Variants in SEC23B observed in about 807,000 individuals in gnomAD.
SEC23B encodes protein transport protein Sec23B.
In SEC23B, 77 loss-of-function variants were observed where a neutral mutation model predicts 104.3. The ratio of observed to expected loss-of-function variants is 0.74; its 90% CI spans 0.61 to 0.89. The LOEUF (loss-of-function observed/expected upper bound fraction) is 0.89. Ranked by LOEUF, SEC23B falls within the 40% of genes least tolerant of loss-of-function variation. SEC23B has a pLI of 0.00. For missense variants in SEC23B, 885 were observed against 949.4 expected, an observed-to-expected ratio of 0.93 and a Z score of 0.89; for synonymous variants, 338 against 332.5, an observed-to-expected ratio of 1.02 and a Z score of -0.18.
intron 19 of SEC23B, among the ~76,000 whole-genome samples, 172 bp downstream of exon 19, chr20:18,555,345 C>A (rs566408625): frequency 1.3e-5 from 2 of 151,886 alleles, no homozygotes; most frequent in South Asian, 2.1e-4. Context: ...ATTACTGGGC[C>A]GGAGGTTGAG....
chr20:18,544,037 ACT>A (rs1283428170), intron 14 of SEC23B, among the ~76,000 whole-genome samples: 1 of 152,018 alleles, frequency 6.6e-6, no homozygotes, highest in African/African-American at 2.4e-5. Flanking sequence ...CACCTCCAGC[ACT>A]CTCTACTGAC....
chr20:18,520,571 A>G (rs2060073806), intron 4 of SEC23B, among the ~76,000 whole-genome samples: 2 of 152,116 alleles, frequency 1.3e-5, no homozygotes, highest in Non-Finnish European at 2.9e-5. Context: ...TCTCGACCTA[A>G]TAAGGGAGCC....
chr20:18,541,845 C>T (rs144375160), intron 12 of SEC23B, among the ~76,000 whole-genome samples: 66 of 152,204 alleles, frequency 4.3e-4, no homozygotes, highest in Admixed American at 6.5e-4. Flanking sequence ...AAAACTTGCG[C>T]CAATAGTCTT....
intron 12 of SEC23B, among the ~76,000 whole-genome samples, chr20:18,541,590 A>G (rs369401728): frequency 1.3e-5 from 2 of 152,214 alleles, no homozygotes; most frequent in Non-Finnish European, 2.9e-5. Flanking sequence ...AGGCCCAAGG[A>G]GGAGGAGAGA....
At chr20:18,517,026 T>C (rs1167167700) in intron 4 of SEC23B, among the ~76,000 whole-genome samples, 1 of 152,242 alleles carries the variant, frequency 6.6e-6, no homozygotes, top group Non-Finnish European at 1.5e-5. Flanking sequence ...AACATGAGCA[T>C]GCTCAAAAGT....
At chr20:18,534,572 C>G (rs2060211750) in intron 11 of SEC23B, among the ~76,000 whole-genome samples, 4 of 152,216 alleles carry the variant, frequency 2.6e-5, no homozygotes, top group Admixed American at 2.6e-4. Context: ...CACTGCCTTT[C>G]TACTGTAAGG....
chr20:18,554,554 G>A (rs1044378607), intron 18 of SEC23B, among the ~76,000 whole-genome samples, 164 bp downstream of exon 18: 11 of 152,090 alleles, frequency 7.2e-5, no homozygotes, highest in Admixed American at 3.9e-4. Context: ...CAGGCCAAGC[G>A]CGGTGGCTCA....
intron 11 of SEC23B, among the ~76,000 whole-genome samples, chr20:18,534,726 A>G (rs572833978): frequency 6.6e-6 from 1 of 152,362 alleles, no homozygotes; most frequent in South Asian, 2.1e-4. Context: ...TGGGGATTAT[A>G]AAATGGTCAT....
Position 18,543,155 on chromosome 20 carries a change from C to G in SEC23B, c.1648C>G (p.Arg550Gly). The G allele has an allele frequency of 6.2e-7, 1 of 1,614,068 alleles. No individual in the cohort carries two copies. Residue 550 changes from arginine to glycine, a missense_variant, in exon 14 of 20, where the codon CGA becomes GGA. Arg to Gly is a moderately radical substitution (Grantham distance 125). Coordinates refer to ENST00000650089, the MANE Select transcript of SEC23B (RefSeq NM_006363.6). ...EGPDVLRWLDRQLIRLCQKFG... is the reference protein window; with the variant it reads ...EGPDVLRWLDGQLIRLCQKFG... ...GCCCGATGTGCTCCGGTGGCTGGACCGACAACTCATCCGACTGGTAAATTG... is the reference window on the plus strand; with the variant it reads ...GCCCGATGTGCTCCGGTGGCTGGACGGACAACTCATCCGACTGGTAAATTG...
chr20:18,512,871 G>T (rs902209877), intron 3 of SEC23B, among the ~76,000 whole-genome samples: 4 of 152,084 alleles, frequency 2.6e-5, no homozygotes, highest in Non-Finnish European at 5.9e-5. Flanking sequence ...CCAACATGGT[G>T]AAACCCCATC....
Position 18,554,371 on chromosome 20 carries a change from C to T in SEC23B, c.2129C>T (p.Thr710Met), listed in dbSNP as rs752664090. 8.1e-6 allele frequency: 13 copies of T among 1,614,196 alleles called. No individual in the cohort carries two copies. Among genetic ancestry groups the T allele is most frequent in the Non-Finnish European group, 1.1e-5 (13 of 1,180,046 alleles). ...TTCCCGATGCCACGTTACATCAACACGGAGCATGGAGGCAGTCAGGTGAGT... is the reference window on the plus strand; with the variant it reads ...TTCCCGATGCCACGTTACATCAACATGGAGCATGGAGGCAGTCAGGTGAGT... ...ARFPMPRYIN[T>M]EHGGSQARFL... The change falls in exon 18 of 20, where the codon ACG (threonine) becomes ATG (methionine). Residue 710 changes from threonine (T) to methionine (M), a missense_variant. Physicochemically the swap from Thr to Met is moderately conservative, Grantham distance 81 (BLOSUM62 -1). Transcript: ENST00000650089.
In SEC23B at chr20:18,543,003, A is replaced by G. The variant is rs772239891; in HGVS notation, c.1512-16A>G. 4.3e-6 allele frequency: 7 copies of G among 1,613,896 alleles called. No homozygotes were observed. Among genetic ancestry groups the G allele is most frequent in the African/African-American group, 2.7e-5 (2 of 74,866 alleles). On this transcript the variant is annotated splice_polypyrimidine_tract_variant and intron_variant, in intron 13 of 19. Coordinates refer to ENST00000650089, the MANE Select transcript of SEC23B (RefSeq NM_006363.6). Reference sequence around the variant, plus strand: ...TCTCCTAAACATAAGCATGGCACTAACTCTGGAATTGTCAGTTGGGCAGAT... The same window carrying G: ...TCTCCTAAACATAAGCATGGCACTAGCTCTGGAATTGTCAGTTGGGCAGAT...
chr20:18,557,970 C>T (rs367947687), intron 19 of SEC23B, among the ~76,000 whole-genome samples: 1 of 151,716 alleles, frequency 6.6e-6, no homozygotes, highest in Admixed American at 6.6e-5. Flanking sequence ...AGGCTGGTCT[C>T]GAACTCCTGA....
intron 9 of SEC23B, among the ~76,000 whole-genome samples, chr20:18,530,221 T>A (rs1393169941): frequency 6.6e-6 from 1 of 151,910 alleles, no homozygotes; most frequent in Non-Finnish European, 1.5e-5. Context: ...TTTATTTTTT[T>A]AATTTATTTT....
intron 19 of SEC23B, among the ~76,000 whole-genome samples, chr20:18,557,797 G>GAT (rs1230714272): frequency 6.1e-4 from 88 of 145,372 alleles, no homozygotes; most frequent in African/African-American, 2.1e-3. Context: ...TTGTTGCCCA[G>GAT]GCTGGAGTGC....
intron 17 of SEC23B, among the ~76,000 whole-genome samples, chr20:18,553,278 T>A (rs1329959214): frequency 6.6e-6 from 1 of 152,184 alleles, no homozygotes; most frequent in African/African-American, 2.4e-5. Flanking sequence ...CAACAGTCAA[T>A]CACAGCATTT....
intron 19 of SEC23B, among the ~76,000 whole-genome samples, chr20:18,556,794 G>A (rs940418580): frequency 2.0e-4 from 30 of 152,132 alleles, no homozygotes; most frequent in South Asian, 2.1e-4. Context: ...TCAGGAGTTC[G>A]AGACCAGCCT....
Position 18,535,638 on chromosome 20 carries a change from T to C in SEC23B, c.1315-15T>C. The C allele has an allele frequency of 5.0e-6, 8 of 1,612,454 alleles. No homozygotes were observed. Among genetic ancestry groups the C allele is most frequent in the African/African-American group, 1.3e-5 (1 of 75,010 alleles). ...TTTCTGGTTTTGTTTTTCAAATTCC[T>C]CTTCCCACCCCCAGGAGCTTGGTGT... On this transcript the variant is annotated splice_polypyrimidine_tract_variant and intron_variant, in intron 11 of 19. Coordinates refer to ENST00000650089, the MANE Select transcript of SEC23B (RefSeq NM_006363.6).
intron 8 of SEC23B, 54 bp from the exon 9 acceptor site, chr20:18,527,442 A>G: frequency 1.0e-6 from 1 of 966,524 alleles, no homozygotes; most frequent in Admixed American, 1.7e-5. Flanking sequence ...TAATTCAGGC[A>G]TACCTTGGGA....
Sources: allele counts gnomAD v4.1 joint callset (sites outside exome capture counted in the v4.1 genomes callset), GRCh38; gene constraint gnomAD v4.1.1; transcripts MANE v1.5; gene names NCBI Gene and HGNC (gene_info 2026-07-23, HGNC 2026-07-21).